Variants in ADAMTS17 observed in about 807,000 individuals in gnomAD.
ADAMTS17 encodes the protein ADAM metallopeptidase with thrombospondin type 1 motif 17.
ADAMTS17 carries 113 observed loss-of-function variants against 141.5 expected under a neutral mutation model. The ratio of observed to expected loss-of-function variants is 0.80; its 90% confidence interval spans 0.69 to 0.93. ADAMTS17 has a LOEUF of 0.93. Among genes scored for constraint, ADAMTS17 ranks in the 40% least tolerant of loss-of-function variants. The pLI is 0.00. For synonymous variants in ADAMTS17, 768 were observed against 630.6 expected (o/e 1.22, Z -3.27); for missense variants, 1,659 against 1,517.9 (o/e 1.09, Z -1.54).
intron 4 of ADAMTS17, 64 bp from the exon 5 acceptor site, chr15:100,262,499 C>A: frequency 8.1e-7 from 1 of 1,234,576 alleles, no homozygotes; most frequent in Non-Finnish European, 1.2e-6. Context: ...ACAGTAGTAT[C>A]CTAGATGGGA....
chr15:100,321,344 A>G (rs1369952492), intron 3 of ADAMTS17, among the ~76,000 whole-genome samples: 1 of 152,224 alleles, frequency 6.6e-6, no homozygotes, highest in Non-Finnish European at 1.5e-5. Context: ...TAAAATAAAT[A>G]AAATGAATTC....
chr15:100,204,862 C>T (rs2041471351), intron 7 of ADAMTS17, among the ~76,000 whole-genome samples: 2 of 152,206 alleles, frequency 1.3e-5, no homozygotes, highest in South Asian at 2.1e-4. Context: ...CCAGCCCAAG[C>T]AATGAATGTG....
intron 3 of ADAMTS17, among the ~76,000 whole-genome samples, chr15:100,302,709 G>T (rs537612875): frequency 6.6e-6 from 1 of 152,288 alleles, no homozygotes; most frequent in South Asian, 2.1e-4. Flanking sequence ...AACTATCTGC[G>T]ATGGTTAATA....
At chr15:100,295,285 T>A (rs1017223598) in intron 3 of ADAMTS17, among the ~76,000 whole-genome samples, 3 of 152,160 alleles carry the variant, frequency 2.0e-5, no homozygotes, top group Admixed American at 2.0e-4. Context: ...CGCTGCTCTA[T>A]AACTCTGGGG....
intron 7 of ADAMTS17, among the ~76,000 whole-genome samples, chr15:100,243,432 A>G (rs2042887612): frequency 6.6e-6 from 1 of 152,216 alleles, no homozygotes; most frequent in African/African-American, 2.4e-5. Flanking sequence ...CATTCTCACC[A>G]GCAGTGCACA....
intron 15 of ADAMTS17, among the ~76,000 whole-genome samples, chr15:100,083,794 C>T (rs1468587723): frequency 6.6e-6 from 1 of 150,884 alleles, no homozygotes; most frequent in African/African-American, 2.4e-5. Context: ...AATAGTGATG[C>T]TGGCATGCCA....
intron 4 of ADAMTS17, among the ~76,000 whole-genome samples, chr15:100,266,156 A>T (rs768735375): frequency 7.9e-5 from 12 of 152,196 alleles, no homozygotes; most frequent in Non-Finnish European, 1.3e-4. Flanking sequence ...AAGCTCTGTT[A>T]AACTGCCCCA....
intron 8 of ADAMTS17, among the ~76,000 whole-genome samples, chr15:100,162,997 T>A (rs1184355046): frequency 7.0e-6 from 1 of 143,252 alleles, no homozygotes; most frequent in Non-Finnish European, 1.5e-5. Flanking sequence ...TAACTATATA[T>A]GTATATATGT....
intron 15 of ADAMTS17, among the ~76,000 whole-genome samples, chr15:100,082,882 T>C (rs1053004114): frequency 2.0e-5 from 3 of 151,796 alleles, no homozygotes; most frequent in African/African-American, 7.3e-5. Context: ...AGGGTTTGCT[T>C]ACTCTCAGGA....
chr15:99,982,478 C>T (rs535584661), intron 20 of ADAMTS17, among the ~76,000 whole-genome samples: 52 of 152,332 alleles, frequency 3.4e-4, no homozygotes, highest in African/African-American at 1.2e-3. Flanking sequence ...ACGACACCCT[C>T]GTAACCTGAG....
chr15:100,070,732 C>A (rs1415486158), intron 15 of ADAMTS17, among the ~76,000 whole-genome samples: 2 of 149,632 alleles, frequency 1.3e-5, no homozygotes, highest in African/African-American at 5.0e-5. Context: ...CTCTGGGACA[C>A]ATTTAAAGCA....
At chr15:100,150,929 G>A (rs1239255158) in intron 10 of ADAMTS17, among the ~76,000 whole-genome samples, 1 of 152,206 alleles carries the variant, frequency 6.6e-6, no homozygotes, top group East Asian at 1.9e-4. Flanking sequence ...CTGGCATCTC[G>A]GTGCCATCCG....
intron 20 of ADAMTS17, chr15:99,978,464 G>A (rs2141275322): frequency 6.6e-6 from 1 of 152,368 alleles, no homozygotes; most frequent in Admixed American, 6.5e-5. Flanking sequence ...GAGAGGCCAG[G>A]CCAACCCTAG....
At chr15:100,320,504 C>G (rs933989569) in intron 3 of ADAMTS17, among the ~76,000 whole-genome samples, 2 of 152,162 alleles carry the variant, frequency 1.3e-5, no homozygotes, top group Non-Finnish European at 2.9e-5. Flanking sequence ...GAAGACTCAA[C>G]CTAGGATTCC....
chr15:100,112,762 G>A (rs951286156), intron 13 of ADAMTS17, among the ~76,000 whole-genome samples: 3 of 152,178 alleles, frequency 2.0e-5, no homozygotes, highest in Non-Finnish European at 4.4e-5. Flanking sequence ...GCCTGGGGCC[G>A]GTCTGGCTTC....
intron 12 of ADAMTS17, among the ~76,000 whole-genome samples, chr15:100,127,296 C>G (rs1679374501): frequency 6.6e-6 from 1 of 152,120 alleles, no homozygotes. Flanking sequence ...AATCCAATGA[C>G]AAGCGTTCTT....
intron 13 of ADAMTS17, among the ~76,000 whole-genome samples, chr15:100,113,471 A>G (rs1340883301): frequency 6.6e-6 from 1 of 152,152 alleles, no homozygotes; most frequent in Non-Finnish European, 1.5e-5. Context: ...AGCAATACAA[A>G]TATTTGGTTG....
intron 18 of ADAMTS17, among the ~76,000 whole-genome samples, chr15:100,017,643 G>A (rs2061318092): frequency 6.6e-6 from 1 of 152,208 alleles, no homozygotes; most frequent in Non-Finnish European, 1.5e-5. Flanking sequence ...TTTCTCCAGT[G>A]GGGGTGTATG....
At chr15:100,240,056 G>T (rs1324463843) in intron 7 of ADAMTS17, among the ~76,000 whole-genome samples, 1 of 152,148 alleles carries the variant, frequency 6.6e-6, no homozygotes. Flanking sequence ...CAGTGAGCCT[G>T]CTCCACGTGT....
Sources: gnomAD v4.1 joint callset for allele counts (sites outside exome capture counted in the v4.1 genomes callset) on GRCh38, gnomAD v4.1.1 for gene constraint, MANE v1.5 for transcripts, NCBI Gene and HGNC (gene_info 2026-07-23, HGNC 2026-07-21) for gene names.